The following BMP8A variants were observed in gnomAD, a reference collection of about 807,000 sequenced individuals.
The protein encoded by BMP8A is bone morphogenetic protein 8a.
Under a neutral mutation model 36.8 loss-of-function variants are expected in BMP8A, and 14 were observed. The observed-to-expected ratio is 0.38, with a 90% CI of 0.25 to 0.60. The LOEUF is 0.60. BMP8A is among the 20% of genes least tolerant of loss of function. The pLI is 0.63. For missense variants in BMP8A, 267 were observed against 551.1 expected (o/e 0.48, Z 5.16); for synonymous variants, 120 against 237.7 (o/e 0.50, Z 4.55).
chr1:39,516,951 C>T (rs1377078572), intron 3 of BMP8A, among the ~76,000 whole-genome samples: 1 of 151,776 alleles, frequency 6.6e-6, no homozygotes, highest in African/African-American at 2.4e-5. Flanking sequence ...GGAAGACATG[C>T]TATCTTCATG....
Position 39,492,068 on chromosome 1 carries a change from G to T in BMP8A, c.77G>T (p.Arg26Leu), listed in dbSNP as rs1014658070. 4 of 1,117,722 alleles carry T rather than the reference G, an allele frequency of 3.6e-6. No individual in the cohort carries two copies. Among genetic ancestry groups the T allele is most frequent in the South Asian group, 4.2e-5 (1 of 23,940 alleles). The allele number at this position is 1,117,722 out of a possible 1,614,324, so 69.2% of individuals were successfully genotyped here. ...CTGGGCGGGGGCGGCCCCGGCCTGCGACCCCCGCCCGGCTGTCCCCAGCGA... is the reference window on the plus strand; with the variant it reads ...CTGGGCGGGGGCGGCCCCGGCCTGCTACCCCCGCCCGGCTGTCCCCAGCGA... ...CALGGGGPGL[R>L]PPPGCPQRRL... The change falls in exon 1 of 7, where the codon CGA becomes CTA. Residue 26 changes from arginine to leucine, a missense_variant. By Grantham distance (102) the Arg-to-Leu change is moderately radical. Around this residue, in one of 7 missense-constraint regions of BMP8A, gnomAD observed 56 missense variants for 74.1 expected, o/e 0.76. Transcript: ENST00000331593.
chr1:39,526,064 A>C lies in BMP8A; in HGVS notation c.*266A>C. ...TGTGCTGACTGCACTGTCTGGAGTC[A>C]GCACAGAAGTCCTATCTTAGGACCT... On this transcript the variant is annotated 3_prime_UTR_variant, in exon 7 of 7. Coordinates refer to ENST00000331593, the MANE Select transcript of BMP8A (RefSeq NM_181809.4). The C allele has an allele frequency of 1.8e-6, 1 of 557,728 alleles. No homozygotes were observed. Among genetic ancestry groups the C allele is most frequent in the Middle Eastern group, 5.0e-4 (1 of 1,994 alleles). 34.5% of individuals were successfully genotyped at this position (557,728 alleles called of 1,614,324 possible). A position where few individuals can be genotyped will look rare whatever the true frequency, so the allele number is the denominator to read the frequency against.
chr1:39,523,238 GCA>G (rs1212858435), intron 6 of BMP8A, 121 bp downstream of exon 6: 25 of 1,217,036 alleles, frequency 2.1e-5, no homozygotes, highest in South Asian at 2.7e-5. Flanking sequence ...GGCTTTGTCT[GCA>G]CAGAGTCAGT....
intron 6 of BMP8A, 73 bp downstream of exon 6, chr1:39,523,190 C>T: frequency 2.6e-6 from 4 of 1,539,700 alleles, no homozygotes; most frequent in Non-Finnish European, 2.7e-6. Flanking sequence ...GTCCAGCCAG[C>T]CGGGAGGGCA....
At chr1:39,517,606 G>A (rs1051011864) in intron 3 of BMP8A, among the ~76,000 whole-genome samples, 4 of 152,210 alleles carry the variant, frequency 2.6e-5, no homozygotes, top group African/African-American at 4.8e-5. Context: ...TTGAGCCATT[G>A]CACCCGGCCT....
chr1:39,524,485 A>G lies in BMP8A; in HGVS notation c.1060-1164A>G, dbSNP rs1322771474. Reference sequence around the variant, plus strand: ...TCCACACAAGGAGGGGCACGTCAGCAGCTGGAGGAGGAATGTTCCAGAAGG... The same window carrying G: ...TCCACACAAGGAGGGGCACGTCAGCGGCTGGAGGAGGAATGTTCCAGAAGG... On this transcript the variant is annotated intron_variant, in intron 6 of 6. Coordinates refer to ENST00000331593, the MANE Select transcript of BMP8A (RefSeq NM_181809.4). This position sits in a 1 kb window ranked among gnomAD's most constrained non-coding sequence, Gnocchi z 4.0. 6.6e-6 allele frequency among the ~76,000 whole-genome samples: 1 copy of G among 152,168 alleles called. No homozygotes were observed. Among genetic ancestry groups the G allele is most frequent in the African/African-American group, 2.4e-5 (1 of 41,438 alleles).
chr1:39,525,289 C>T (rs1337270349), intron 6 of BMP8A: 5 of 244,702 alleles, frequency 2.0e-5, no homozygotes, highest in African/African-American at 1.1e-4. Context: ...TCCAGGTTCC[C>T]CCTTGGGGAC....
chr1:39,522,119 G>A (rs1570312816), intron 4 of BMP8A, among the ~76,000 whole-genome samples: 1 of 138,322 alleles, frequency 7.2e-6, no homozygotes, highest in African/African-American at 2.5e-5. Context: ...GGATGGCCGA[G>A]GGTCCTGCTG....
At chr1:39,510,890 G>A (rs1645347820) in intron 1 of BMP8A, among the ~76,000 whole-genome samples, 1 of 152,192 alleles carries the variant, frequency 6.6e-6, no homozygotes, top group Non-Finnish European at 1.5e-5. Flanking sequence ...GGGCCAAGAA[G>A]GGGCGCAACG....
intron 1 of BMP8A, among the ~76,000 whole-genome samples, chr1:39,504,785 G>A (rs4660797): frequency 0.86 from 130,270 of 152,242 alleles, 56,758 homozygotes; most frequent in East Asian, 0.99. Flanking sequence ...ATTGATCACT[G>A]TCTACCATCT....
chr1:39,522,643 G>C (rs1645437900), intron 5 of BMP8A, 161 bp downstream of exon 5: 1 of 1,095,942 alleles, frequency 9.1e-7, no homozygotes, highest in Admixed American at 3.6e-5. Context: ...GGTGAGAAAG[G>C]GTTTTGTTGT....
intron 3 of BMP8A, among the ~76,000 whole-genome samples, chr1:39,516,916 C>T (rs552115092): frequency 3.6e-4 from 55 of 152,022 alleles, no homozygotes; most frequent in Admixed American, 1.3e-3. Flanking sequence ...GAGAAATAGG[C>T]GAGCAAAGAT....
intron 1 of BMP8A, among the ~76,000 whole-genome samples, chr1:39,506,270 C>T (rs139485037): frequency 0.017 from 2,632 of 152,040 alleles, 74 homozygotes; most frequent in African/African-American, 0.057. Flanking sequence ...AGTGCAGTGG[C>T]GCAATCTTGG....
At chr1:39,513,921 G>A (rs1365727230) in intron 3 of BMP8A, among the ~76,000 whole-genome samples, 1 of 151,942 alleles carries the variant, frequency 6.6e-6, no homozygotes, top group Non-Finnish European at 1.5e-5. Context: ...CAGGGAGGGA[G>A]CAGGACACCT....
At chr1:39,506,808 G>C (rs913986353) in intron 1 of BMP8A, among the ~76,000 whole-genome samples, 1 of 152,056 alleles carries the variant, frequency 6.6e-6, no homozygotes, top group Admixed American at 6.6e-5. Flanking sequence ...TAAACCCCAC[G>C]GGGGCAGGAG....
intron 1 of BMP8A, among the ~76,000 whole-genome samples, chr1:39,494,708 T>C (rs949467260): frequency 1.3e-5 from 2 of 152,104 alleles, no homozygotes; most frequent in African/African-American, 4.8e-5. Context: ...GTGAGACTGT[T>C]TTGCCAGCCC....
chr1:39,500,600 C>T (rs1447621320), intron 1 of BMP8A, among the ~76,000 whole-genome samples: 1 of 147,774 alleles, frequency 6.8e-6, no homozygotes, highest in East Asian at 1.9e-4. Flanking sequence ...TCTTGTGTTG[C>T]TGTAACAGAC....
At chr1:39,505,606 C>A (rs2124339590) in intron 1 of BMP8A, among the ~76,000 whole-genome samples, 1 of 152,262 alleles carries the variant, frequency 6.6e-6, no homozygotes, top group East Asian at 1.9e-4. Flanking sequence ...TCTTCAAAAT[C>A]CATAACTTCA....
rs557640241 is a variant in BMP8A, at chr1:39,514,772, C to G, written c.673+2868C>G. Among the ~76,000 whole-genome samples, 1,094 of 152,306 alleles carry G rather than the reference C, an allele frequency of 7.2e-3. 6 individuals carry two copies. Among genetic ancestry groups the G allele is most frequent in the African/African-American group, 0.025 (1,050 of 41,556 alleles). On this transcript the variant is annotated intron_variant, in intron 3 of 6. Transcript: ENST00000331593. ...GAGGACTGACTCGGGGCCCCCAGCCCAGGGCGGAGCCGGCCCCCTCCCTGT... is the reference window on the plus strand; with the variant it reads ...GAGGACTGACTCGGGGCCCCCAGCCGAGGGCGGAGCCGGCCCCCTCCCTGT...
Sources: gnomAD v4.1 joint callset for allele counts (sites outside exome capture counted in the v4.1 genomes callset) on GRCh38, gnomAD v4.1.1 for gene constraint, gnomAD v4.1.1 regional missense constraint, Gnocchi (gnomAD v3.1) non-coding constraint, MANE v1.5 for transcripts, NCBI Gene and HGNC (gene_info 2026-07-23, HGNC 2026-07-21) for gene names.